The following AFF3 variants were observed in gnomAD, a reference collection of about 807,000 sequenced individuals.
AFF3 encodes ALF transcription elongation factor 3, also known as AF4/FMR2 family member 3.
A neutral mutation model predicts 129.7 loss-of-function variants in AFF3; 32 were observed. The observed-to-expected ratio is 0.25, with a 90% CI of 0.19 to 0.33. AFF3 has a LOEUF of 0.33. Among genes scored for constraint, AFF3 ranks in the 10% least tolerant of loss-of-function variants. The probability of loss-of-function intolerance (pLI) is 1.00; values close to 1 mark genes in which losing one functional copy is unlikely to be tolerated. For synonymous variants in AFF3, 644 were observed against 635.4 expected (o/e 1.01, Z -0.20); for missense variants, 1,373 against 1,592.0 (o/e 0.86, Z 2.34).
At chr2:100,011,182 G>A (rs1251199735) in intron 4 of AFF3, among the ~76,000 whole-genome samples, 2 of 152,288 alleles carry the variant, frequency 1.3e-5, no homozygotes, top group East Asian at 3.9e-4. Context: ...GCTGAGGCAG[G>A]AGAACGGCAC....
intron 7 of AFF3, among the ~76,000 whole-genome samples, chr2:99,892,529 A>G (rs1278646877): frequency 6.6e-6 from 1 of 152,184 alleles, no homozygotes; most frequent in African/African-American, 2.4e-5. Flanking sequence ...ATGTGAGTCT[A>G]TTTTAATCTG....
At chr2:99,941,227 C>T (rs545586391) in intron 7 of AFF3, among the ~76,000 whole-genome samples, 9 of 152,182 alleles carry the variant, frequency 5.9e-5, no homozygotes, top group African/African-American at 2.2e-4. Context: ...GGCAAACAGT[C>T]AGAGAGAAAA....
At chr2:99,620,621 C>A (rs1681905270) in intron 13 of AFF3, among the ~76,000 whole-genome samples, 1 of 152,120 alleles carries the variant, frequency 6.6e-6, no homozygotes, top group African/African-American at 2.4e-5. Flanking sequence ...ACAGTGAGGA[C>A]CTGTCTCCAA....
intron 7 of AFF3, among the ~76,000 whole-genome samples, chr2:100,002,265 T>C (rs1220964802): frequency 2.0e-5 from 3 of 152,230 alleles, no homozygotes; most frequent in Non-Finnish European, 4.4e-5. Flanking sequence ...CCGACTTTCA[T>C]TTGGAAGAAA....
chr2:99,980,831 A>C (rs937323897), intron 7 of AFF3, among the ~76,000 whole-genome samples: 1 of 152,238 alleles, frequency 6.6e-6, no homozygotes, highest in Non-Finnish European at 1.5e-5. Flanking sequence ...TCACTGTAAC[A>C]ATTGGAAAAG....
chr2:99,795,053 T>G (rs1234962345), intron 8 of AFF3, among the ~76,000 whole-genome samples: 1 of 152,182 alleles, frequency 6.6e-6, no homozygotes, highest in Non-Finnish European at 1.5e-5. Flanking sequence ...TACTGGTATA[T>G]TTCTGAAGTG....
chr2:100,036,149 A>C (rs1205592329), intron 4 of AFF3, among the ~76,000 whole-genome samples: 10 of 150,404 alleles, frequency 6.6e-5, no homozygotes, highest in Non-Finnish European at 1.2e-4. Flanking sequence ...AAAAAAAAAA[A>C]AAAAAAAAAA....
rs537602564 is a variant in AFF3, at chr2:100,062,227, G to A, written c.53+42175C>T. Among the ~76,000 whole-genome samples, 37 of 152,316 alleles carry A rather than the reference G, an allele frequency of 2.4e-4. 1 individual carries two copies. The South Asian group carries it at 7.0e-3, about 29-fold the overall frequency. The stretch of plus-strand genomic sequence containing the variant: ...GGAGCAAGGGAAGGCAAGGCTGCCA[G>A]AGTAAGGTGGCTGCAGTTGGAGGGG... On this transcript the variant is annotated intron_variant, in intron 4 of 24. Transcript: ENST00000672756.
chr2:99,702,676 T>C (rs1302159476), intron 11 of AFF3, among the ~76,000 whole-genome samples: 3 of 152,230 alleles, frequency 2.0e-5, no homozygotes, highest in African/African-American at 7.2e-5. Flanking sequence ...AAGTTCAGTA[T>C]CTTTTCATGT....
At chr2:99,964,679 C>T (rs995704309) in intron 7 of AFF3, among the ~76,000 whole-genome samples, 3 of 152,076 alleles carry the variant, frequency 2.0e-5, no homozygotes, top group Non-Finnish European at 2.9e-5. Flanking sequence ...GTATTACATG[C>T]AAAAATTCTC....
chr2:99,824,050 A>G (rs1687889520), intron 8 of AFF3, among the ~76,000 whole-genome samples: 1 of 152,254 alleles, frequency 6.6e-6, no homozygotes, highest in Admixed American at 6.5e-5. Flanking sequence ...CAATATACCC[A>G]TGTAACAAAC....
chr2:99,629,554 G>A (rs989314696), intron 13 of AFF3, among the ~76,000 whole-genome samples: 8 of 152,228 alleles, frequency 5.3e-5, no homozygotes, highest in African/African-American at 1.9e-4. Flanking sequence ...CCCTCCGACT[G>A]TACTGAGTGC....
intron 8 of AFF3, among the ~76,000 whole-genome samples, chr2:99,825,513 T>C (rs980021332): frequency 2.0e-5 from 3 of 152,228 alleles, no homozygotes; most frequent in Admixed American, 6.5e-5. Context: ...TGTGTTTTAA[T>C]TGTTCCAAGA....
intron 7 of AFF3, among the ~76,000 whole-genome samples, chr2:99,960,749 T>C (rs1677139425): frequency 6.6e-6 from 1 of 152,134 alleles, no homozygotes; most frequent in Non-Finnish European, 1.5e-5. Context: ...CTTGCTGCAT[T>C]TGGGGAAGAG....
chr2:99,657,205 T>C (rs1029645274), intron 12 of AFF3, among the ~76,000 whole-genome samples: 1 of 152,214 alleles, frequency 6.6e-6, no homozygotes, highest in African/African-American at 2.4e-5. Flanking sequence ...TAATTCCTAA[T>C]GTTGAGTCCA....
At chr2:99,638,402 G>A (rs1417387605) in intron 13 of AFF3, among the ~76,000 whole-genome samples, 2 of 151,994 alleles carry the variant, frequency 1.3e-5, no homozygotes, top group African/African-American at 4.8e-5. Flanking sequence ...GGTTCCCTTT[G>A]GCCCTTTCCT....
At chr2:99,827,388 G>T (rs1338616081) in intron 8 of AFF3, among the ~76,000 whole-genome samples, 1 of 152,116 alleles carries the variant, frequency 6.6e-6, no homozygotes, top group Non-Finnish European at 1.5e-5. Context: ...GACACCAAGG[G>T]CATGAGCATT....
intron 13 of AFF3, among the ~76,000 whole-genome samples, chr2:99,613,318 C>G (rs1481200696): frequency 6.6e-6 from 1 of 152,112 alleles, no homozygotes; most frequent in Non-Finnish European, 1.5e-5. Context: ...TAAAAGTTAT[C>G]TGTTCCTTGA....
intron 7 of AFF3, among the ~76,000 whole-genome samples, chr2:99,839,403 C>A (rs1049869035): frequency 6.6e-6 from 1 of 151,276 alleles, no homozygotes; most frequent in Non-Finnish European, 1.5e-5. Flanking sequence ...AGCCACCGTG[C>A]CTGGCCTGTT....
Sources: allele counts gnomAD v4.1 joint callset (sites outside exome capture counted in the v4.1 genomes callset), GRCh38; gene constraint gnomAD v4.1.1; transcripts MANE v1.5; gene names NCBI Gene and HGNC (gene_info 2026-07-23, HGNC 2026-07-21).